MDGA2: variants seen among roughly 807,000 people sequenced by gnomAD.
MDGA2 encodes the protein MAM domain-containing glycosylphosphatidylinositol anchor protein 2.
Under a neutral mutation model 117.8 loss-of-function variants are expected in MDGA2, and 40 were observed. The observed-to-expected ratio is 0.34, with a 90% CI of 0.26 to 0.44. The LOEUF (loss-of-function observed/expected upper bound fraction) is 0.44, where lower values mean the gene tolerates loss of function less well. MDGA2 is among the 20% of genes least tolerant of loss of function. The pLI is 1.00. For missense variants in MDGA2, 1,123 were observed against 1,250.6 expected (o/e 0.90, Z 1.54); for synonymous variants, 452 against 439.0 (o/e 1.03, Z -0.37).
chr14:46,915,298 T>G (rs1883857675), intron 10 of MDGA2, among the ~76,000 whole-genome samples: 1 of 152,306 alleles, frequency 6.6e-6, no homozygotes, highest in Non-Finnish European at 1.5e-5. Flanking sequence ...TTAAATTTTC[T>G]GAGAAAATAT....
chr14:47,229,875 T>C (rs1345972569), intron 2 of MDGA2, among the ~76,000 whole-genome samples: 2 of 152,044 alleles, frequency 1.3e-5, no homozygotes, highest in African/African-American at 4.8e-5. Flanking sequence ...TCCAGTTGGC[T>C]GTAATGTTTT....
At chr14:47,493,887 G>A (rs1894224857) in intron 1 of MDGA2, among the ~76,000 whole-genome samples, 1 of 152,098 alleles carries the variant, frequency 6.6e-6, no homozygotes, top group South Asian at 2.1e-4. Flanking sequence ...TTGCTGTGTG[G>A]TATGGTTTGG....
intron 2 of MDGA2, among the ~76,000 whole-genome samples, chr14:47,254,018 G>A (rs1412074058): frequency 6.6e-6 from 1 of 152,226 alleles, no homozygotes; most frequent in Non-Finnish European, 1.5e-5. Flanking sequence ...TTTAGCCATG[G>A]CTGGAGCTGA....
At chr14:47,252,978 A>C (rs1427603827) in intron 2 of MDGA2, among the ~76,000 whole-genome samples, 1 of 152,148 alleles carries the variant, frequency 6.6e-6, no homozygotes, top group Non-Finnish European at 1.5e-5. Context: ...AGAGAGAAGA[A>C]TGAGAGCCGA....
At chr14:47,477,099 T>A in intron 1 of MDGA2, among the ~76,000 whole-genome samples, 1 of 152,190 alleles carries the variant, frequency 6.6e-6, no homozygotes, top group East Asian at 1.9e-4. Context: ...GAGGTGAAGG[T>A]TGCAGTGAGC....
intron 1 of MDGA2, among the ~76,000 whole-genome samples, chr14:47,463,296 C>T (rs1401794850): frequency 2.6e-5 from 4 of 152,066 alleles, no homozygotes; most frequent in African/African-American, 4.8e-5. Context: ...TGAATGCTTG[C>T]ACCCAAACAT....
rs868423246 is a variant in MDGA2 at position 47,466,123 on chromosome 14, T to C, written c.281-164573A>G. 2.0e-5 allele frequency among the ~76,000 whole-genome samples: 3 copies of C among 151,976 alleles called. No individual in the cohort carries two copies. The South Asian group carries it at 6.2e-4, about 32-fold the overall frequency. On this transcript the variant is annotated intron_variant, in intron 1 of 16. Transcript: ENST00000399232. The stretch of plus-strand genomic sequence containing the variant: ...TATAAGTGGGAGCTAAATTATGAGA[T>C]CTTATAAGCACAAAAAGGGAACAAC...
chr14:47,145,052 T>C (rs1482956724), intron 3 of MDGA2, among the ~76,000 whole-genome samples: 2 of 152,008 alleles, frequency 1.3e-5, no homozygotes, highest in Non-Finnish European at 2.9e-5. Flanking sequence ...CAAAATATGA[T>C]CTTGCACAGG....
chr14:47,037,193 C>T (rs559752551), intron 7 of MDGA2, among the ~76,000 whole-genome samples: 1 of 152,178 alleles, frequency 6.6e-6, no homozygotes, highest in Non-Finnish European at 1.5e-5. Context: ...GGAAAGGGTG[C>T]AGAATAACCT....
intron 9 of MDGA2, among the ~76,000 whole-genome samples, chr14:46,954,127 G>A (rs1885471359): frequency 1.3e-5 from 2 of 151,940 alleles, no homozygotes; most frequent in African/African-American, 4.8e-5. Flanking sequence ...AACCTCGCAG[G>A]TTGATTTTCC....
In MDGA2 at chr14:47,581,483, T is replaced by C. The variant is rs1324856649; in HGVS notation, c.280+93034A>G. Among the ~76,000 whole-genome samples the C allele has an allele frequency of 2.0e-5, 3 of 151,970 alleles. No individual in the cohort carries two copies. The East Asian group carries it at 5.8e-4, about 29-fold the overall frequency. Reference sequence around the variant, plus strand: ...CTGGGGGATACACTTTAGAATGAACTTAGCTGAGTAACATGGAAAGAACAT... The same window carrying C: ...CTGGGGGATACACTTTAGAATGAACCTAGCTGAGTAACATGGAAAGAACAT... On this transcript the variant is annotated intron_variant, in intron 1 of 16. Transcript: ENST00000399232.
At chr14:46,929,514 A>C (rs1030622924) in intron 9 of MDGA2, among the ~76,000 whole-genome samples, 4 of 145,478 alleles carry the variant, frequency 2.7e-5, no homozygotes, top group Non-Finnish European at 6.0e-5. Context: ...CCTATGATTT[A>C]TGTGATCTGG....
At chr14:47,025,495 T>C (rs1392212765) in intron 8 of MDGA2, among the ~76,000 whole-genome samples, 9 of 152,140 alleles carry the variant, frequency 5.9e-5, no homozygotes. Context: ...CCCCAAATTA[T>C]GTAGACTTTG....
intron 1 of MDGA2, among the ~76,000 whole-genome samples, chr14:47,620,178 T>G (rs537409752): frequency 6.6e-6 from 1 of 152,354 alleles, no homozygotes; most frequent in Admixed American, 6.5e-5. Flanking sequence ...AATAAAGGAA[T>G]GCTCAATGGC....
Position 46,960,684 on chromosome 14 carries a change from CAT to C in MDGA2, c.1820-3043_1820-3042del, listed in dbSNP as rs547504012. ...ATATATATACACACACATATACATA[CAT>C]ATGTGTATATATACACATATATGTA... On this transcript the variant is annotated intron_variant, in intron 8 of 16. Transcript: ENST00000399232. 26 of 151,200 alleles carry C rather than the reference CAT, an allele frequency of 1.7e-4. 1 individual carries two copies. The highest frequency in any genetic ancestry group is 5.6e-4 in the African/African-American group (23 of 41,260). The allele number at this position is 151,200 out of a possible 1,614,324, so 9.4% of individuals were successfully genotyped here.
At chr14:47,550,971 A>G (rs1747175750) in intron 1 of MDGA2, among the ~76,000 whole-genome samples, 1 of 152,190 alleles carries the variant, frequency 6.6e-6, no homozygotes, top group Admixed American at 6.5e-5. Flanking sequence ...TCTCTATGGA[A>G]CATGTAGGAG....
At chr14:47,402,814 C>G (rs1287095707) in intron 1 of MDGA2, among the ~76,000 whole-genome samples, 1 of 151,948 alleles carries the variant, frequency 6.6e-6, no homozygotes, top group Non-Finnish European at 1.5e-5. Flanking sequence ...TAAAAATGTA[C>G]CCATTAAGTA....
chr14:47,057,168 T>C (rs1275978544), intron 7 of MDGA2, among the ~76,000 whole-genome samples: 1 of 152,106 alleles, frequency 6.6e-6, no homozygotes, highest in Non-Finnish European at 1.5e-5. Flanking sequence ...GCCAAATATA[T>C]CCTCCTTCCA....
intron 1 of MDGA2, among the ~76,000 whole-genome samples, chr14:47,637,598 C>G (rs528479132): frequency 5.1e-4 from 78 of 152,284 alleles, no homozygotes; most frequent in Non-Finnish European, 9.4e-4. Flanking sequence ...TGTACCACTC[C>G]TACCTCTTAA....
Sources: gnomAD v4.1 joint callset for allele counts (sites outside exome capture counted in the v4.1 genomes callset) on GRCh38, gnomAD v4.1.1 for gene constraint, MANE v1.5 for transcripts, NCBI Gene and HGNC (gene_info 2026-07-23, HGNC 2026-07-21) for gene names.